SCHIP1: variants seen among roughly 807,000 people sequenced by gnomAD.
The protein encoded by SCHIP1 is schwannomin-interacting protein 1.
A neutral mutation model predicts 29.7 loss-of-function variants in SCHIP1; 8 were observed. The observed-to-expected ratio is 0.27, with a 90% confidence interval of 0.16 to 0.49. The LOEUF (loss-of-function observed/expected upper bound fraction) is 0.49. Among genes scored for constraint, SCHIP1 ranks in the 20% least tolerant of loss-of-function variants. SCHIP1 has a pLI of 0.99. For missense variants in SCHIP1, 193 were observed against 294.6 expected, an observed-to-expected ratio of 0.66 and a Z score of 2.52; for synonymous variants, 76 against 94.9, an observed-to-expected ratio of 0.80 and a Z score of 1.16.
chr3:159,466,163 G>A, the SCHIP1 span, among the ~76,000 whole-genome samples: 1 of 152,046 alleles, frequency 6.6e-6, no homozygotes, highest in Non-Finnish European at 1.5e-5. Context: ...CAATTTAATT[G>A]GGGAGAAGAG....
At chr3:159,742,019 C>T in the SCHIP1 span, among the ~76,000 whole-genome samples, 6 of 152,188 alleles carry the variant, frequency 3.9e-5, no homozygotes, top group Admixed American at 3.9e-4. Context: ...CACTTGAGAT[C>T]AGGAGTTCAA....
At chr3:159,407,438 A>G in the SCHIP1 span, among the ~76,000 whole-genome samples, 1 of 152,182 alleles carries the variant, frequency 6.6e-6, no homozygotes, top group African/African-American at 2.4e-5. Flanking sequence ...ACATTAACTG[A>G]GGACTTCAGT....
At chr3:159,355,227 C>T in the SCHIP1 span, among the ~76,000 whole-genome samples, 61 of 151,998 alleles carry the variant, frequency 4.0e-4, no homozygotes, top group African/African-American at 1.2e-3. Context: ...CCTCCCTCCC[C>T]CTACACCACC....
At chr3:159,289,345 C>A in the SCHIP1 span, among the ~76,000 whole-genome samples, 3 of 152,192 alleles carry the variant, frequency 2.0e-5, no homozygotes, top group South Asian at 6.2e-4. Context: ...GTGATCTGGT[C>A]ATTTTCTCTT....
At chr3:159,714,283 T>A in the SCHIP1 span, among the ~76,000 whole-genome samples, 1 of 152,052 alleles carries the variant, frequency 6.6e-6, no homozygotes, top group Non-Finnish European at 1.5e-5. Context: ...GATGGCCGAA[T>A]AGGAACAGCT....
At chr3:159,593,735 T>C in the SCHIP1 span, among the ~76,000 whole-genome samples, 2 of 152,214 alleles carry the variant, frequency 1.3e-5, no homozygotes, top group South Asian at 2.1e-4. Context: ...AAGGGGACCA[T>C]GTTTGGAATG....
the SCHIP1 span, among the ~76,000 whole-genome samples, chr3:159,827,838 C>T: frequency 2.7e-5 from 4 of 149,266 alleles, no homozygotes; most frequent in South Asian, 4.2e-4. Flanking sequence ...AAAATAGAAA[C>T]GCTGGAAATA....
chr3:159,300,964 T>C, the SCHIP1 span, among the ~76,000 whole-genome samples: 6 of 152,192 alleles, frequency 3.9e-5, no homozygotes, highest in Non-Finnish European at 5.9e-5. Flanking sequence ...TGTCACATTC[T>C]ATCTTAAAAT....
chr3:159,507,647 A>G, the SCHIP1 span, among the ~76,000 whole-genome samples: 145 of 152,248 alleles, frequency 9.5e-4, no homozygotes, highest in East Asian at 8.1e-3. Flanking sequence ...TCCCATCAAT[A>G]CCTAACTTAT....
intron 2 of SCHIP1, among the ~76,000 whole-genome samples, chr3:159,885,457 C>CT (rs1011017081): frequency 6.6e-6 from 1 of 152,242 alleles, no homozygotes; most frequent in African/African-American, 2.4e-5. Context: ...CCAGGTTACC[C>CT]TTTGTGACTG....
At chr3:159,440,665 A>C in the SCHIP1 span, among the ~76,000 whole-genome samples, 1 of 152,164 alleles carries the variant, frequency 6.6e-6, no homozygotes, top group Non-Finnish European at 1.5e-5. Flanking sequence ...TTGAGCACTT[A>C]CATTGTCCCC....
chr3:159,620,447 A>G, the SCHIP1 span, among the ~76,000 whole-genome samples: 1 of 152,236 alleles, frequency 6.6e-6, no homozygotes, highest in Non-Finnish European at 1.5e-5. Flanking sequence ...TATGACATGC[A>G]TAAAGCCCAA....
the SCHIP1 span, among the ~76,000 whole-genome samples, chr3:159,750,821 T>C: frequency 1.3e-4 from 20 of 151,876 alleles, no homozygotes; most frequent in South Asian, 1.2e-3. Flanking sequence ...TTCTTGTATA[T>C]AACAGCAACA....
chr3:159,461,202 A>T, the SCHIP1 span, among the ~76,000 whole-genome samples: 1 of 152,084 alleles, frequency 6.6e-6, no homozygotes, highest in East Asian at 1.9e-4. Flanking sequence ...CTTCATCTTC[A>T]ACTATCCTCT....
chr3:159,561,819 TTAACCCC>T, the SCHIP1 span, among the ~76,000 whole-genome samples: 1 of 152,134 alleles, frequency 6.6e-6, no homozygotes, highest in African/African-American at 2.4e-5. Context: ...AAGGGACAAA[TTAACCCC>T]TCTGGAGCAA....
At chr3:159,678,785 T>C in the SCHIP1 span, among the ~76,000 whole-genome samples, 1 of 152,146 alleles carries the variant, frequency 6.6e-6, no homozygotes, top group African/African-American at 2.4e-5. Flanking sequence ...AAACTTACAA[T>C]CGTGGTGGAA....
chr3:159,683,461 A>G, the SCHIP1 span, among the ~76,000 whole-genome samples: 1 of 152,000 alleles, frequency 6.6e-6, no homozygotes, highest in African/African-American at 2.4e-5. Context: ...CGTTTTTGTA[A>G]TATTCTTTCT....
At chr3:159,553,313 T>G in the SCHIP1 span, among the ~76,000 whole-genome samples, 1 of 151,592 alleles carries the variant, frequency 6.6e-6, no homozygotes, top group Non-Finnish European at 1.5e-5. Flanking sequence ...CCATTTGTTT[T>G]ATGAGGGGTG....
At chr3:159,483,798 G>A in the SCHIP1 span, among the ~76,000 whole-genome samples, 2 of 152,088 alleles carry the variant, frequency 1.3e-5, no homozygotes, top group South Asian at 4.1e-4. Context: ...ATGTAAATAT[G>A]TATGCATATA....
Sources: allele counts gnomAD v4.1 joint callset (sites outside exome capture counted in the v4.1 genomes callset), GRCh38; gene constraint gnomAD v4.1.1; transcripts MANE v1.5; gene names NCBI Gene and HGNC (gene_info 2026-07-23, HGNC 2026-07-21).